NFIA: variants seen among roughly 807,000 people sequenced by gnomAD.
The protein encoded by NFIA is nuclear factor I A.
Under a neutral mutation model 62.8 loss-of-function variants are expected in NFIA, and 8 were observed. That is an observed-to-expected ratio of 0.13 (90% CI 0.07 to 0.23). The LOEUF (loss-of-function observed/expected upper bound fraction) is 0.23, where lower values mean the gene tolerates loss of function less well. Ranked by LOEUF, NFIA falls within the 10% of genes least tolerant of loss-of-function variation. The pLI is 1.00. For missense variants in NFIA, 410 were observed against 642.1 expected (o/e 0.64, Z 3.91); for synonymous variants, 235 against 238.1 (o/e 0.99, Z 0.12).
chr1:61,145,977 A>G (rs1266103288), intron 2 of NFIA, among the ~76,000 whole-genome samples: 2 of 152,186 alleles, frequency 1.3e-5, no homozygotes, highest in African/African-American at 4.8e-5. Context: ...GTTTACAGTA[A>G]CACAGATCTA....
At chr1:61,196,834 C>T (rs1652031535) in intron 2 of NFIA, among the ~76,000 whole-genome samples, 1 of 151,962 alleles carries the variant, frequency 6.6e-6, no homozygotes, top group African/African-American at 2.4e-5. Context: ...TCTGCATACT[C>T]ATAACAGTGT....
intron 4 of NFIA, among the ~76,000 whole-genome samples, chr1:61,344,964 G>A (rs1442287660): frequency 2.0e-5 from 3 of 152,176 alleles, no homozygotes; most frequent in Admixed American, 2.0e-4. Flanking sequence ...AGAAGAGCAG[G>A]TCATTAAGAG....
At chr1:61,450,812 C>T (rs1034736889) in intron 10 of NFIA, among the ~76,000 whole-genome samples, 2 of 152,154 alleles carry the variant, frequency 1.3e-5, no homozygotes, top group Non-Finnish European at 2.9e-5. Flanking sequence ...CCCTGCCACC[C>T]CAGCACTCTC....
At chr1:61,381,145 TTTAA>T (rs1360925225) in intron 6 of NFIA, among the ~76,000 whole-genome samples, 7 of 152,136 alleles carry the variant, frequency 4.6e-5, no homozygotes, top group Non-Finnish European at 7.4e-5. Context: ...TGATTTTTGT[TTTAA>T]TTATCTGTTC....
intron 2 of NFIA, among the ~76,000 whole-genome samples, chr1:61,092,682 A>G (rs1043704603): frequency 1.3e-5 from 2 of 152,134 alleles, no homozygotes; most frequent in African/African-American, 2.4e-5. Flanking sequence ...ATATTATTCC[A>G]TTTCAGCCAA....
At chr1:61,383,686 G>C (rs187228150) in intron 7 of NFIA, among the ~76,000 whole-genome samples, 4 of 152,342 alleles carry the variant, frequency 2.6e-5, no homozygotes, top group Admixed American at 2.6e-4. Context: ...GTGAGAGAGA[G>C]AGACAGAATG....
chr1:61,442,735 T>C (rs1379298314), intron 10 of NFIA, among the ~76,000 whole-genome samples: 1 of 152,194 alleles, frequency 6.6e-6, no homozygotes, highest in African/African-American at 2.4e-5. Flanking sequence ...TTTTCAGTCA[T>C]TTGGAATTGA....
intron 10 of NFIA, among the ~76,000 whole-genome samples, chr1:61,449,495 C>A (rs915203121): frequency 6.6e-6 from 1 of 152,228 alleles, no homozygotes; most frequent in East Asian, 1.9e-4. Context: ...CCAAGAAAGA[C>A]CCCTCTGAAG....
At chr1:61,170,912 TAA>T (rs56336067) in intron 2 of NFIA, among the ~76,000 whole-genome samples, 131,347 of 152,120 alleles carry the variant, frequency 0.86, 57,175 homozygotes, top group Non-Finnish European at 0.92. Context: ...TTCAGTTTCA[TAA>T]AAAAAAAAGA....
chr1:61,125,102 T>C (rs962991322), intron 2 of NFIA: 1 of 152,260 alleles, frequency 6.6e-6, no homozygotes, highest in African/African-American at 2.4e-5. Flanking sequence ...AAGTGATAGA[T>C]GTTGATCTCG....
intron 6 of NFIA, among the ~76,000 whole-genome samples, chr1:61,377,981 T>C (rs1224543639): frequency 6.6e-6 from 1 of 152,144 alleles, no homozygotes; most frequent in African/African-American, 2.4e-5. Context: ...TGTAGCTCCT[T>C]TGACTCCTAA....
intron 6 of NFIA, among the ~76,000 whole-genome samples, chr1:61,360,229 A>G (rs1422953607): frequency 1.3e-5 from 2 of 152,174 alleles, no homozygotes; most frequent in Non-Finnish European, 2.9e-5. Context: ...GTCTGATTGC[A>G]AAAACTATTT....
chr1:61,329,826 C>G (rs924746063), intron 3 of NFIA, among the ~76,000 whole-genome samples: 2 of 152,056 alleles, frequency 1.3e-5, no homozygotes, highest in Admixed American at 1.3e-4. Flanking sequence ...GTCAGACAGC[C>G]CTGGCTAAAG....
In NFIA at chr1:61,462,157, T is replaced by C. The variant is rs1358658085; in HGVS notation, c.*6837T>C. 1 of 150,954 alleles carries C rather than the reference T, an allele frequency of 6.6e-6. No homozygotes were observed. The highest frequency in any genetic ancestry group is 1.5e-5 in the Non-Finnish European group (1 of 67,776). The allele number at this position is 150,954 out of a possible 1,614,324, so 9.4% of individuals were successfully genotyped here. On this transcript the variant is annotated 3_prime_UTR_variant, in exon 11 of 11. Transcript: ENST00000403491. ...AACTAACGGCTCGGTGCCTTCTCCCTGGTCTCAGACCATCGTCTCTGCACT... is the reference window on the plus strand; with the variant it reads ...AACTAACGGCTCGGTGCCTTCTCCCCGGTCTCAGACCATCGTCTCTGCACT...
intron 2 of NFIA, among the ~76,000 whole-genome samples, chr1:61,137,483 C>T (rs185626110): frequency 3.9e-5 from 6 of 152,268 alleles, no homozygotes; most frequent in African/African-American, 9.6e-5. Flanking sequence ...ATATAAATTA[C>T]GGGGATATGT....
chr1:61,427,159 A>G (rs1022202282), intron 10 of NFIA, among the ~76,000 whole-genome samples: 1 of 152,168 alleles, frequency 6.6e-6, no homozygotes, highest in Non-Finnish European at 1.5e-5. Context: ...GATTGAGAGA[A>G]GAGGACTGCT....
At chr1:61,428,230 C>T (rs1666952191) in intron 10 of NFIA, among the ~76,000 whole-genome samples, 1 of 152,082 alleles carries the variant, frequency 6.6e-6, no homozygotes, top group African/African-American at 2.4e-5. Context: ...GTATTATATG[C>T]CACTGTGGCT....
chr1:61,106,169 T>C (rs1258797073), intron 2 of NFIA, among the ~76,000 whole-genome samples: 1 of 151,724 alleles, frequency 6.6e-6, no homozygotes, highest in Non-Finnish European at 1.5e-5. Context: ...TATTTCTTCA[T>C]ATATATGATA....
At chr1:61,215,818 G>T (rs1009186611) in intron 2 of NFIA, among the ~76,000 whole-genome samples, 13 of 152,272 alleles carry the variant, frequency 8.5e-5, no homozygotes, top group Non-Finnish European at 1.6e-4. Context: ...CCTTTTTTAT[G>T]TGACTCAGCG....
Sources: gnomAD v4.1 joint callset for allele counts (sites outside exome capture counted in the v4.1 genomes callset) on GRCh38, gnomAD v4.1.1 for gene constraint, MANE v1.5 for transcripts, NCBI Gene and HGNC (gene_info 2026-07-23, HGNC 2026-07-21) for gene names.